The following ZNF618 variants were observed in gnomAD, a reference collection of about 807,000 sequenced individuals.
ZNF618 encodes zinc finger protein 618.
ZNF618 carries 34 observed loss-of-function variants against 103.0 expected under a neutral mutation model. That is an observed-to-expected ratio of 0.33 (90% CI 0.25 to 0.44). The LOEUF (loss-of-function observed/expected upper bound fraction) is 0.44, where lower values mean the gene tolerates loss of function less well. ZNF618 is among the 20% of genes least tolerant of loss of function. The probability of loss-of-function intolerance (pLI) is 1.00; values close to 1 mark genes in which losing one functional copy is unlikely to be tolerated. For synonymous variants in ZNF618, 551 were observed against 542.2 expected (o/e 1.02, Z -0.23); for missense variants, 1,059 against 1,295.4 (o/e 0.82, Z 2.80).
At position 114,054,464 on chromosome 9, in the gene ZNF618, C is replaced by G. The variant is rs1478668826; in HGVS notation, c.*4297C>G. 1 of 152,326 alleles carries G rather than the reference C, an allele frequency of 6.6e-6. No homozygotes were observed. The highest frequency in any genetic ancestry group is 2.4e-5 in the African/African-American group (1 of 41,450). The allele number at this position is 152,326 out of a possible 1,614,324, so 9.4% of individuals were successfully genotyped here. A position where few individuals can be genotyped will look rare whatever the true frequency, so the allele number is the denominator to read the frequency against. ...GGCAACAGCGGCAATGCCTCTATCTCTGGGATGCATCTTAAGGAGGGCTCC... is the reference window on the plus strand; with the variant it reads ...GGCAACAGCGGCAATGCCTCTATCTGTGGGATGCATCTTAAGGAGGGCTCC... On this transcript the variant is annotated 3_prime_UTR_variant, in exon 15 of 15. Coordinates refer to ENST00000374126, the MANE Select transcript of ZNF618 (RefSeq NM_001318042.2).
At chr9:113,916,071 TC>T (rs1832045666) in intron 1 of ZNF618, among the ~76,000 whole-genome samples, 1 of 101,442 alleles carries the variant, frequency 9.9e-6, no homozygotes, top group African/African-American at 3.3e-5. Flanking sequence ...TGCGCGTGTG[TC>T]TGTGTGTGTG....
Position 114,016,019 on chromosome 9 carries a change from G to A in ZNF618, c.755-676G>A, listed in dbSNP as rs377131653. 5.7e-6 allele frequency: 7 copies of A among 1,225,832 alleles called. No homozygotes were observed. The African/African-American group carries it at 6.0e-5, about 11-fold the overall frequency. 75.9% of individuals were successfully genotyped at this position (1,225,832 alleles called of 1,614,324 possible). A position where few individuals can be genotyped will look rare whatever the true frequency, so the allele number is the denominator to read the frequency against. ...GGCACCCTCCCCCAAGGGGGTAGAT[G>A]CTGCTCTTTGTTTGGGGGTTACAGA... On this transcript the variant is annotated intron_variant, in intron 9 of 14. Coordinates refer to ENST00000374126, the MANE Select transcript of ZNF618 (RefSeq NM_001318042.2).
At chr9:113,955,359 G>A (rs1284605321) in intron 1 of ZNF618, among the ~76,000 whole-genome samples, 3 of 149,800 alleles carry the variant, frequency 2.0e-5, no homozygotes, top group Non-Finnish European at 4.4e-5. Context: ...AAATAGTCTG[G>A]TTGTCTAGAT....
chr9:113,995,362 T>C (rs1201265248), intron 3 of ZNF618, among the ~76,000 whole-genome samples: 2 of 152,124 alleles, frequency 1.3e-5, no homozygotes, highest in African/African-American at 4.8e-5. Context: ...AAATAGTAAA[T>C]GTAAAAGTAA....
chr9:113,923,986 A>G (rs1832863346), intron 1 of ZNF618, among the ~76,000 whole-genome samples: 1 of 152,052 alleles, frequency 6.6e-6, no homozygotes, highest in Non-Finnish European at 1.5e-5. Context: ...TGGATTTAAG[A>G]TGTTTGGATT....
chr9:113,960,845 A>G (rs1028708095), intron 1 of ZNF618, among the ~76,000 whole-genome samples: 1 of 152,194 alleles, frequency 6.6e-6, no homozygotes, highest in African/African-American at 2.4e-5. Context: ...GCTGGAAGCT[A>G]CCAAGTCCAG....
intron 1 of ZNF618, among the ~76,000 whole-genome samples, chr9:113,886,439 C>T (rs1270077044): frequency 6.6e-6 from 1 of 152,044 alleles, no homozygotes; most frequent in Admixed American, 6.5e-5. Context: ...ACTTAGAATA[C>T]TCAAAAAGAA....
rs200886401 is a variant in ZNF618 at position 114,048,775 on chromosome 9, G to A, written c.1473G>A (p.Glu491=). ...LGALSVVSGK[E]FLKLAQTLVD... ...CACTGAGCGTGGTCAGCGGGAAGGA[G>A]TTCCTGAAGTTGGCCCAGACCTTAG... Residue 491 remains glutamate, a synonymous_variant, in exon 15 of 15, where the codon GAG becomes GAA. Coordinates refer to ENST00000374126, the MANE Select transcript of ZNF618 (RefSeq NM_001318042.2). 21 of 1,614,068 alleles carry A rather than the reference G, an allele frequency of 1.3e-5. 1 individual carries two copies. Among genetic ancestry groups the A allele is most frequent in the Non-Finnish European group, 1.7e-5 (20 of 1,179,902 alleles).
Position 114,002,666 on chromosome 9 carries a change from A to C in ZNF618, c.550+4A>C. The C allele has an allele frequency of 6.2e-7, 1 of 1,611,270 alleles. No individual in the cohort carries two copies. Among genetic ancestry groups the C allele is most frequent in the Non-Finnish European group, 8.5e-7 (1 of 1,179,568 alleles). ...GGGGAGGGAGCCTCCCAAAGCAGTG[A>C]GTACTTTTTCCTCCTCGTGGGCTGC... On this transcript the variant is annotated splice_donor_region_variant and intron_variant, in intron 6 of 14. Coordinates refer to ENST00000374126, the MANE Select transcript of ZNF618 (RefSeq NM_001318042.2).
At chr9:114,020,250 C>G (rs1842961351) in intron 10 of ZNF618, among the ~76,000 whole-genome samples, 1 of 152,130 alleles carries the variant, frequency 6.6e-6, no homozygotes, top group South Asian at 2.1e-4. Flanking sequence ...ATCAGCTGCT[C>G]TTAGTTTTTC....
At chr9:113,879,142 A>G (rs1828246875) in intron 1 of ZNF618, among the ~76,000 whole-genome samples, 1 of 146,616 alleles carries the variant, frequency 6.8e-6, no homozygotes, top group African/African-American at 2.5e-5. Context: ...TGAGTTTAGC[A>G]GTGATGAAGG....
chr9:113,948,077 G>C (rs2132215659), intron 1 of ZNF618, among the ~76,000 whole-genome samples: 1 of 152,292 alleles, frequency 6.6e-6, no homozygotes, highest in East Asian at 1.9e-4. Context: ...TCTGGGAACA[G>C]AGCAGCCTCC....
chr9:113,952,139 G>A (rs1451430968), intron 1 of ZNF618, among the ~76,000 whole-genome samples: 1 of 152,054 alleles, frequency 6.6e-6, no homozygotes. Flanking sequence ...TACTACACTT[G>A]TGAAGCCAGG....
chr9:113,883,382 G>A (rs1440580850), intron 1 of ZNF618, among the ~76,000 whole-genome samples: 1 of 152,176 alleles, frequency 6.6e-6, no homozygotes. Flanking sequence ...AAGTGGATGG[G>A]GGACCCCCAG....
At chr9:113,950,511 A>C (rs1220893944) in intron 1 of ZNF618, among the ~76,000 whole-genome samples, 4 of 152,026 alleles carry the variant, frequency 2.6e-5, no homozygotes, top group African/African-American at 9.7e-5. Flanking sequence ...GGCAAGCTGG[A>C]CCTGGTCTTG....
chr9:114,010,852 G>A (rs564284877), intron 9 of ZNF618, among the ~76,000 whole-genome samples: 12 of 152,162 alleles, frequency 7.9e-5, no homozygotes, highest in Non-Finnish European at 1.0e-4. Context: ...TCTTCCAACC[G>A]TGTCATTTTC....
chr9:114,016,876 A>T, intron 10 of ZNF618, 92 bp downstream of exon 10: 1 of 987,796 alleles, frequency 1.0e-6, no homozygotes, highest in Non-Finnish European at 1.5e-6. Context: ...TGGCCAGGAA[A>T]TGGTGAAAGC....
chr9:114,037,518 C>A (rs1403759693), intron 13 of ZNF618, among the ~76,000 whole-genome samples: 1 of 152,158 alleles, frequency 6.6e-6, no homozygotes, highest in East Asian at 1.9e-4. Context: ...AGTTAGCTGT[C>A]CCTCCACCCC....
intron 10 of ZNF618, among the ~76,000 whole-genome samples, chr9:114,025,933 C>T (rs1004556018): frequency 4.6e-5 from 7 of 152,294 alleles, no homozygotes; most frequent in South Asian, 2.1e-4. Context: ...CTGTGCATGG[C>T]GGGCAAGGCT....
Sources: gnomAD v4.1 joint callset for allele counts (sites outside exome capture counted in the v4.1 genomes callset) on GRCh38, gnomAD v4.1.1 for gene constraint, MANE v1.5 for transcripts, NCBI Gene and HGNC (gene_info 2026-07-23, HGNC 2026-07-21) for gene names.